PUS7L: variants seen among roughly 807,000 people sequenced by gnomAD.
PUS7L encodes pseudouridine synthase 7 like, also known as pseudouridylate synthase PUS7L.
PUS7L carries 49 observed loss-of-function variants against 51.1 expected under a neutral mutation model. The ratio of observed to expected loss-of-function variants is 0.96; its 90% CI spans 0.76 to 1.22. PUS7L has a LOEUF of 1.22. Among genes scored for constraint, PUS7L ranks in the 50% most tolerant of loss-of-function variants. PUS7L has a pLI of 0.00. For synonymous variants in PUS7L, 277 were observed against 276.2 expected, an observed-to-expected ratio of 1.00 and a Z score of -0.03; for missense variants, 828 against 820.6, an observed-to-expected ratio of 1.01 and a Z score of -0.11.
At position 43,722,936 on chromosome 12, in the gene PUS7L, G is replaced by A. The variant is rs1177760039; in HGVS notation, c.*7440C>T. On this transcript the variant is annotated 3_prime_UTR_variant, in exon 9 of 9. Coordinates refer to ENST00000344862, the MANE Select transcript of PUS7L (RefSeq NM_031292.5). ...CTGCCCAAACACCCTTAGTTAAGGA[G>A]TGACCAGCTCTTTGATCTCTTCTCT... is the stretch of plus-strand genomic sequence containing the variant. 6.6e-6 allele frequency: 1 copy of A among 152,112 alleles called. No homozygotes were observed. Among genetic ancestry groups the A allele is most frequent in the African/African-American group, 2.4e-5 (1 of 41,444 alleles). 9.4% of individuals were successfully genotyped at this position (152,112 alleles called of 1,614,324 possible).
At chr12:43,733,222 C>T (rs1169937204) in intron 7 of PUS7L, among the ~76,000 whole-genome samples, 1 of 152,138 alleles carries the variant, frequency 6.6e-6, no homozygotes, top group East Asian at 1.9e-4. Flanking sequence ...AATGTAGATA[C>T]ACCTGTTAGT....
At chr12:43,745,476 C>T (rs1332367930) in intron 4 of PUS7L, among the ~76,000 whole-genome samples, 1 of 152,146 alleles carries the variant, frequency 6.6e-6, no homozygotes, top group Non-Finnish European at 1.5e-5. Context: ...GGCTTTTCCT[C>T]CTTTGCCTGG....
rs755650330 is a variant in PUS7L, at chr12:43,748,569, C to T, written c.951G>A (p.Ala317=). 2.7e-5 allele frequency: 44 copies of T among 1,605,816 alleles called. No homozygotes were observed. The Admixed American group carries it at 3.3e-4, about 12-fold the overall frequency. The change falls in exon 3 of 9, where the codon GCG becomes GCA. Residue 317 remains alanine (A), a synonymous_variant. Transcript: ENST00000344862. The part of the protein sequence containing the change: ...LRKENLEMFE[A]IGFLAIKLGV... ...CAAGTTTGATAGCTAAAAAACCAAT[C>T]GCTTCAAACATTTCCAGGTTTTCCT...
At chr12:43,736,974 TCAAA>T (rs1489737003) in intron 6 of PUS7L, among the ~76,000 whole-genome samples, 2 of 151,626 alleles carry the variant, frequency 1.3e-5, no homozygotes, top group Admixed American at 6.6e-5. Flanking sequence ...TAAAACAAAA[TCAAA>T]CAAACAAACA....
chr12:43,748,817 G>A (rs148305183), intron 2 of PUS7L, among the ~76,000 whole-genome samples: 6 of 152,072 alleles, frequency 3.9e-5, no homozygotes, highest in African/African-American at 7.2e-5. Flanking sequence ...TCTGCCTCCC[G>A]GGTTCCAGTG....
chr12:43,754,964 G>T lies in PUS7L; in HGVS notation c.282C>A (p.Tyr94Ter), dbSNP rs1281143567. Residue 94 changes from tyrosine to a stop codon, truncating the protein, a stop_gained, in exon 2 of 9, where the codon TAC becomes TAA. Transcript: ENST00000344862. LOFTEE classifies it high-confidence loss of function. Reference protein sequence around the residue: ...RNQEVHTLIKYTDGDQNHQSG... With the variant: ...RNQEVHTLIK ...ACTGATGATTTTGGTCACCATCAGT[G>T]TACTTAATCAAAGTATGAACTTCTT... 6.2e-6 allele frequency: 10 copies of T among 1,613,568 alleles called. No homozygotes were observed. The highest frequency in any genetic ancestry group is 8.5e-6 in the Non-Finnish European group (10 of 1,179,748).
chr12:43,731,986 AG>A (rs1328660901), intron 7 of PUS7L, among the ~76,000 whole-genome samples: 1 of 152,190 alleles, frequency 6.6e-6, no homozygotes, highest in Non-Finnish European at 1.5e-5. Context: ...ACATGGAGAA[AG>A]GTGGGCTGCT....
intron 2 of PUS7L, among the ~76,000 whole-genome samples, chr12:43,749,993 C>G (rs545199422): frequency 1.3e-5 from 2 of 152,202 alleles, no homozygotes; most frequent in African/African-American, 4.8e-5. Context: ...ATCTCAGCAT[C>G]ACACAATATA....
intron 6 of PUS7L, chr12:43,737,861 G>A (rs1937685209): frequency 6.2e-6 from 1 of 161,120 alleles, no homozygotes; most frequent in African/African-American, 2.4e-5. Context: ...CATTCTATAT[G>A]TATTCCATCA....
rs1244812048 is a variant in PUS7L, at chr12:43,746,102, T to C, written c.1207A>G (p.Ile403Val). The C allele has an allele frequency of 2.6e-6, 4 of 1,533,134 alleles. No homozygotes were observed. Among genetic ancestry groups the C allele is most frequent in the Non-Finnish European group, 2.7e-6 (3 of 1,112,304 alleles). 95.0% of individuals were successfully genotyped at this position (1,533,134 alleles called of 1,614,324 possible). Residue 403 changes from isoleucine (I) to valine (V), a missense_variant, in exon 4 of 9, where the codon ATA becomes GTA. Physicochemically the swap from Ile to Val is conservative, Grantham distance 29. Transcript: ENST00000344862. ...DIVIRNLKKQ[I>V]NDSANLRERI... is the part of the protein sequence containing the mutation. ...TCCCTCAGGTTTGCAGAATCATTTA[T>C]TTGTTTTTTTAAATTTCTAATGACA...
rs564200749 is a variant in PUS7L at position 43,725,987 on chromosome 12, A to C, written c.*4389T>G. 55 of 152,304 alleles carry C rather than the reference A, an allele frequency of 3.6e-4. No individual in the cohort carries two copies. The highest frequency in any genetic ancestry group is 1.3e-3 in the African/African-American group (53 of 41,558). The allele number at this position is 152,304 out of a possible 1,614,324, so 9.4% of individuals were successfully genotyped here. On this transcript the variant is annotated 3_prime_UTR_variant, in exon 9 of 9. Coordinates refer to ENST00000344862, the MANE Select transcript of PUS7L (RefSeq NM_031292.5). Reference sequence around the variant, plus strand: ...TTTTACAGCTCACAAAAAAAAAATCAAGGTGTTTTAATTTTAATATTAGTA... The same window carrying C: ...TTTTACAGCTCACAAAAAAAAAATCCAGGTGTTTTAATTTTAATATTAGTA...
Position 43,738,374 on chromosome 12 carries a change from C to A in PUS7L, c.1380G>T (p.Leu460Phe). ...CATCCAAGTCTTCTGGTGTAAGAAA[C>A]AATTTTATGGCTTTCATCTTAAAAA... ...LKNEMMKAIK[L>F]FLTPEDLDDP... The change falls in exon 6 of 9, where the codon TTG becomes TTT. Residue 460 changes from leucine to phenylalanine, a missense_variant. Transcript: ENST00000344862. 6.3e-7 allele frequency: 1 copy of A among 1,580,828 alleles called. No individual in the cohort carries two copies. Among genetic ancestry groups the A allele is most frequent in the East Asian group, 2.2e-5 (1 of 44,528 alleles).
intron 6 of PUS7L, 68 bp downstream of exon 6, chr12:43,738,242 C>T (rs1430172938): frequency 2.4e-6 from 2 of 834,222 alleles, no homozygotes; most frequent in African/African-American, 3.4e-5. Context: ...TGCTCTCCTG[C>T]TGATAAAACA....
rs1944372730 is a variant in PUS7L at position 43,719,568 on chromosome 12, T to C, written c.*10808A>G. ...TTGAATTATTATTTTTTTGAATGTC[T>C]AGTAGAACCAACCATTGAACACATC... On this transcript the variant is annotated 3_prime_UTR_variant, in exon 9 of 9. Transcript: ENST00000344862. 6.6e-6 allele frequency: 1 copy of C among 152,106 alleles called. No homozygotes were observed. The highest frequency in any genetic ancestry group is 1.5e-5 in the Non-Finnish European group (1 of 68,012). The allele number at this position is 152,106 out of a possible 1,614,324, so 9.4% of individuals were successfully genotyped here.
chr12:43,734,921 G>C (rs979070672), intron 7 of PUS7L, among the ~76,000 whole-genome samples: 3 of 152,150 alleles, frequency 2.0e-5, no homozygotes, highest in East Asian at 3.8e-4. Flanking sequence ...GATAAAGTTG[G>C]AGAATAATAA....
chr12:43,733,087 A>C (rs570536972), intron 7 of PUS7L, among the ~76,000 whole-genome samples: 137 of 152,258 alleles, frequency 9.0e-4, no homozygotes, highest in African/African-American at 3.0e-3. Context: ...TTCATGAACA[A>C]ACATGCTTTC....
chr12:43,737,408 T>C (rs1345519130), intron 6 of PUS7L, among the ~76,000 whole-genome samples: 2 of 152,034 alleles, frequency 1.3e-5, no homozygotes, highest in Admixed American at 1.3e-4. Context: ...ACTACTTTCC[T>C]GCGAATAGCT....
At chr12:43,751,145 A>G (rs1434445549) in intron 2 of PUS7L, among the ~76,000 whole-genome samples, 1 of 152,026 alleles carries the variant, frequency 6.6e-6, no homozygotes, top group Non-Finnish European at 1.5e-5. Flanking sequence ...CTGAGGTTGC[A>G]TGCAGTTAGA....
rs901316730 is a variant in PUS7L at position 43,719,535 on chromosome 12, G to A, written c.*10841C>T. 6.6e-6 allele frequency: 1 copy of A among 152,060 alleles called. No individual in the cohort carries two copies. The highest frequency in any genetic ancestry group is 1.5e-5 in the Non-Finnish European group (1 of 67,980). The allele number at this position is 152,060 out of a possible 1,614,324, so 9.4% of individuals were successfully genotyped here. A position where few individuals can be genotyped will look rare whatever the true frequency, so the allele number is the denominator to read the frequency against. ...ATTTTTTCTAATCTCAGGAAAGTTT[G>A]TGTAGACTTGAATTATTATTTTTTT... On this transcript the variant is annotated 3_prime_UTR_variant, in exon 9 of 9. Coordinates refer to ENST00000344862, the MANE Select transcript of PUS7L (RefSeq NM_031292.5).
Sources: gnomAD v4.1 joint callset for allele counts (sites outside exome capture counted in the v4.1 genomes callset) on GRCh38, gnomAD v4.1.1 for gene constraint, MANE v1.5 for transcripts, NCBI Gene and HGNC (gene_info 2026-07-23, HGNC 2026-07-21) for gene names.